CSMD3: variants seen among roughly 807,000 people sequenced by gnomAD.
CSMD3 encodes CUB and sushi domain-containing protein 3.
A neutral mutation model predicts 435.2 loss-of-function variants in CSMD3; 177 were observed. That is an observed-to-expected ratio of 0.41 (90% CI 0.36 to 0.46). The LOEUF (loss-of-function observed/expected upper bound fraction) is 0.46, where lower values mean the gene tolerates loss of function less well. Ranked by LOEUF, CSMD3 falls within the 20% of genes least tolerant of loss-of-function variation. The pLI is 0.34. For missense variants in CSMD3, 4,265 were observed against 4,504.6 expected (o/e 0.95, Z 1.52); for synonymous variants, 1,656 against 1,520.5 (o/e 1.09, Z -2.07).
intron 3 of CSMD3, among the ~76,000 whole-genome samples, chr8:113,214,914 T>A (rs2092883956): frequency 6.6e-6 from 1 of 151,802 alleles, no homozygotes; most frequent in African/African-American, 2.4e-5. Context: ...CTTTGAAATA[T>A]TATCGAATTC....
chr8:112,305,233 AT>A (rs1252782622), intron 51 of CSMD3, among the ~76,000 whole-genome samples: 2 of 152,046 alleles, frequency 1.3e-5, no homozygotes. Flanking sequence ...TTTTGAGGAA[AT>A]TTTTTTGATG....
chr8:113,012,331 T>C (rs1186009711), intron 6 of CSMD3, among the ~76,000 whole-genome samples: 1 of 151,934 alleles, frequency 6.6e-6, no homozygotes, highest in African/African-American at 2.4e-5. Context: ...TGAATATTTC[T>C]GGAATTACAC....
In CSMD3 at chr8:112,471,275, T is replaced by A. The variant is rs528174043; in HGVS notation, c.5395+1316A>T. Among the ~76,000 whole-genome samples, 14 of 152,280 alleles carry A rather than the reference T, an allele frequency of 9.2e-5. No individual in the cohort carries two copies. The South Asian group carries it at 2.9e-3, about 32-fold the overall frequency. ...CATGAAGTTTTCTGGATAATCATTG[T>A]TAGGATTCTGTCAGCAACCATGTAA... On this transcript the variant is annotated intron_variant, in intron 32 of 70. Coordinates refer to ENST00000297405, the MANE Select transcript of CSMD3 (RefSeq NM_198123.2).
intron 47 of CSMD3, among the ~76,000 whole-genome samples, chr8:112,318,492 C>T (rs1440168150): frequency 6.6e-6 from 1 of 151,992 alleles, no homozygotes; most frequent in Non-Finnish European, 1.5e-5. Flanking sequence ...ATAAGAAGCT[C>T]TATCTAAGTA....
At chr8:112,772,361 A>C (rs1173207679) in intron 13 of CSMD3, among the ~76,000 whole-genome samples, 1 of 152,076 alleles carries the variant, frequency 6.6e-6, no homozygotes, top group Non-Finnish European at 1.5e-5. Context: ...TAAATCGATT[A>C]AGGGCTGTGC....
rs1206444356 is a variant in CSMD3, at chr8:112,313,910, A to G, written c.7692T>C (p.Tyr2564=). 2.7e-5 allele frequency: 43 copies of G among 1,609,510 alleles called. No individual in the cohort carries two copies. The highest frequency in any genetic ancestry group is 3.5e-5 in the Non-Finnish European group (41 of 1,176,354). ...GNNKKGFRIR[Y]IAFYCSTPES... ...GAAGTTATAAGTTTTACATACCTAT[A>G]TATCTTATCCGGAAGCCTTTTTTGT... Residue 2564 remains tyrosine (Y), a synonymous_variant, in exon 49 of 71, where the codon TAT becomes TAC. Coordinates refer to ENST00000297405, the MANE Select transcript of CSMD3 (RefSeq NM_198123.2).
intron 31 of CSMD3, among the ~76,000 whole-genome samples, chr8:112,487,721 T>C (rs1820282001): frequency 6.6e-6 from 1 of 152,106 alleles, no homozygotes; most frequent in Admixed American, 6.6e-5. Context: ...AGGTTAGACC[T>C]GCGCCATTAG....
chr8:113,286,717 G>T (rs1470426366), intron 2 of CSMD3, among the ~76,000 whole-genome samples: 1 of 150,230 alleles, frequency 6.7e-6, no homozygotes, highest in Non-Finnish European at 1.5e-5. Context: ...AAAAAAAAAA[G>T]ACTCTATTTA....
At chr8:112,575,126 C>T (rs1829838510) in intron 23 of CSMD3, among the ~76,000 whole-genome samples, 1 of 151,910 alleles carries the variant, frequency 6.6e-6, no homozygotes, top group South Asian at 2.1e-4. Flanking sequence ...GAATAATTAA[C>T]CTTTCTTTCA....
At chr8:113,281,017 C>G (rs954419891) in intron 2 of CSMD3, among the ~76,000 whole-genome samples, 3 of 151,762 alleles carry the variant, frequency 2.0e-5, no homozygotes, top group African/African-American at 7.3e-5. Flanking sequence ...TGGTCTAAGA[C>G]AGTGCTTGAT....
chr8:112,954,847 T>A, intron 7 of CSMD3, 86 bp from the exon 8 acceptor site: 1 of 822,522 alleles, frequency 1.2e-6, no homozygotes, highest in Non-Finnish European at 2.0e-6. Context: ...TAGCATGGAC[T>A]TATGCAAGAT....
At chr8:113,158,384 A>G (rs1331506873) in intron 4 of CSMD3, among the ~76,000 whole-genome samples, 11 of 152,078 alleles carry the variant, frequency 7.2e-5, no homozygotes. Flanking sequence ...CATGTATCAT[A>G]AGGGAAGATC....
chr8:113,173,838 T>C lies in CSMD3; in HGVS notation c.593A>G (p.Asp198Gly), dbSNP rs963955451. 6.2e-7 allele frequency: 1 copy of C among 1,613,872 alleles called. No homozygotes were observed. Among genetic ancestry groups the C allele is most frequent in the African/African-American group, 1.3e-5 (1 of 75,030 alleles). The change falls in exon 4 of 71, where the codon GAC becomes GGC. Residue 198 changes from aspartate (D) to glycine (G), a missense_variant. By Grantham distance (94) the Asp-to-Gly change is moderately conservative. Around this residue, in one of 3 missense-constraint regions of CSMD3, gnomAD observed 731 missense variants for 755.4 expected, o/e 0.97. Coordinates refer to ENST00000297405, the MANE Select transcript of CSMD3 (RefSeq NM_198123.2). ...VLYGTRFDVG[D>G]KIRYSCVTGY... ...AGTTACACAGCTGTAGCGGATCTTGTCCCCGACGTCGAATCTTGTGCCATA... is the reference window on the plus strand; with the variant it reads ...AGTTACACAGCTGTAGCGGATCTTGCCCCCGACGTCGAATCTTGTGCCATA...
intron 19 of CSMD3, among the ~76,000 whole-genome samples, chr8:112,648,773 G>T (rs910868379): frequency 1.3e-5 from 2 of 152,060 alleles, no homozygotes; most frequent in Non-Finnish European, 2.9e-5. Flanking sequence ...CTTTCGTGGT[G>T]AATGCTCCTC....
intron 9 of CSMD3, among the ~76,000 whole-genome samples, chr8:112,924,582 C>T (rs541602940): frequency 2.6e-4 from 39 of 151,676 alleles, no homozygotes; most frequent in Admixed American, 2.2e-3. Flanking sequence ...AATTAATTCA[C>T]TTAGCGTGGA....
At chr8:112,500,117 A>T (rs1403262033) in intron 30 of CSMD3, among the ~76,000 whole-genome samples, 1 of 152,204 alleles carries the variant, frequency 6.6e-6, no homozygotes, top group African/African-American at 2.4e-5. Context: ...TCCAAAAAAA[A>T]ACAAAAGCAG....
chr8:112,600,086 G>A (rs1215839766), intron 22 of CSMD3, among the ~76,000 whole-genome samples: 4 of 151,698 alleles, frequency 2.6e-5, no homozygotes, highest in African/African-American at 7.3e-5. Context: ...CTCTGAGTCA[G>A]AACACCCAAA....
chr8:112,311,671 A>C (rs770665554), intron 49 of CSMD3, among the ~76,000 whole-genome samples: 4 of 152,206 alleles, frequency 2.6e-5, no homozygotes, highest in Non-Finnish European at 1.5e-5. Flanking sequence ...AGTCTATTAA[A>C]GTGTGCCCAT....
intron 5 of CSMD3, among the ~76,000 whole-genome samples, chr8:113,048,083 CTTTTTTT>C (rs35254619): frequency 1.9e-5 from 2 of 106,940 alleles, no homozygotes; most frequent in South Asian, 3.2e-4. Flanking sequence ...AACTTCAATT[CTTTTTTT>C]TTTTTTTTTT....
Sources: gnomAD v4.1 joint callset for allele counts (sites outside exome capture counted in the v4.1 genomes callset) on GRCh38, gnomAD v4.1.1 for gene constraint, gnomAD v4.1.1 regional missense constraint, MANE v1.5 for transcripts, NCBI Gene and HGNC (gene_info 2026-07-23, HGNC 2026-07-21) for gene names.